PALLD: variants seen among roughly 807,000 people sequenced by gnomAD.
The protein encoded by PALLD is palladin.
In PALLD, 61 loss-of-function variants were observed where a neutral mutation model predicts 123.5. That is an observed-to-expected ratio of 0.49 (90% confidence interval 0.40 to 0.61). PALLD has a LOEUF of 0.61. Ranked by LOEUF, PALLD falls within the 20% of genes least tolerant of loss-of-function variation. The pLI, the probability that PALLD is intolerant of heterozygous loss-of-function variation, is 0.00. For missense variants in PALLD, 1,273 were observed against 1,377.0 expected (o/e 0.92, Z 1.20); for synonymous variants, 465 against 496.4 (o/e 0.94, Z 0.84).
At chr4:168,704,596 G>A (rs140623052) in intron 8 of PALLD, among the ~76,000 whole-genome samples, 3,894 of 150,334 alleles carry the variant, frequency 0.026, 180 homozygotes, top group African/African-American at 0.09. Context: ...CCCGGGAGGC[G>A]GAGCTTGCAG....
chr4:168,860,065 G>A (rs1219322642), intron 10 of PALLD, among the ~76,000 whole-genome samples: 1 of 152,224 alleles, frequency 6.6e-6, no homozygotes, highest in East Asian at 1.9e-4. Context: ...GGCTACCATA[G>A]TGGGACAGTG....
In PALLD at chr4:168,574,743, T is replaced by C. The variant is rs1769371997; in HGVS notation, c.908+62331T>C. On this transcript the variant is annotated intron_variant, in intron 2 of 21. Transcript: ENST00000505667. Reference sequence around the variant, plus strand: ...TACCAACTCTTTTGCCCTGAATGAGTTGGAAGTTGGCAGCACTTCAAAGTA... The same window carrying C: ...TACCAACTCTTTTGCCCTGAATGAGCTGGAAGTTGGCAGCACTTCAAAGTA... 3.9e-5 allele frequency among the ~76,000 whole-genome samples: 6 copies of C among 152,170 alleles called. No individual in the cohort carries two copies. In the South Asian group the frequency reaches 1.2e-3, roughly 32 times the overall value.
intron 10 of PALLD, among the ~76,000 whole-genome samples, chr4:168,714,078 CT>C (rs2150225160): frequency 6.7e-6 from 1 of 148,648 alleles, no homozygotes; most frequent in Admixed American, 6.8e-5. Flanking sequence ...TGTGATGATA[CT>C]TTTTAAATAT....
intron 2 of PALLD, among the ~76,000 whole-genome samples, chr4:168,558,980 C>T (rs1474851178): frequency 2.0e-5 from 3 of 152,174 alleles, no homozygotes; most frequent in Non-Finnish European, 4.4e-5. Flanking sequence ...GAGGTTATTA[C>T]AGGACTAGGT....
chr4:168,524,698 T>C, intron 2 of PALLD, among the ~76,000 whole-genome samples: 1 of 152,332 alleles, frequency 6.6e-6, no homozygotes, highest in South Asian at 2.1e-4. Context: ...CCACCACAGA[T>C]AGTGAGCAGT....
intron 10 of PALLD, among the ~76,000 whole-genome samples, chr4:168,751,023 T>A (rs1730994407): frequency 6.6e-6 from 1 of 151,838 alleles, no homozygotes; most frequent in Non-Finnish European, 1.5e-5. Context: ...TGTATTTTTT[T>A]TTTTTTGAGA....
chr4:168,612,296 C>T (rs1773810231), intron 2 of PALLD, among the ~76,000 whole-genome samples: 1 of 150,644 alleles, frequency 6.6e-6, no homozygotes, highest in African/African-American at 2.4e-5. Flanking sequence ...TTTCCAAAAT[C>T]ATCTCTTCAA....
chr4:168,780,374 A>G (rs1683736724), intron 10 of PALLD, among the ~76,000 whole-genome samples: 1 of 152,218 alleles, frequency 6.6e-6, no homozygotes, highest in Non-Finnish European at 1.5e-5. Flanking sequence ...TGACTAATGC[A>G]GCATTGCTCT....
chr4:168,577,996 A>T (rs1333325075), intron 2 of PALLD, among the ~76,000 whole-genome samples: 1 of 152,094 alleles, frequency 6.6e-6, no homozygotes, highest in Non-Finnish European at 1.5e-5. Flanking sequence ...AATGTTACAA[A>T]GACCCATACT....
chr4:168,499,994 A>C (rs1448696717), intron 1 of PALLD, among the ~76,000 whole-genome samples: 1 of 152,204 alleles, frequency 6.6e-6, no homozygotes, highest in East Asian at 1.9e-4. Context: ...AGAGAAGAAA[A>C]CTTTGCAGTT....
intron 14 of PALLD, among the ~76,000 whole-genome samples, chr4:168,902,068 C>A (rs1191172495): frequency 1.3e-5 from 2 of 152,112 alleles, no homozygotes; most frequent in African/African-American, 4.8e-5. Flanking sequence ...ATAATTCATC[C>A]ATTTATTTAG....
intron 14 of PALLD, among the ~76,000 whole-genome samples, chr4:168,899,676 C>T (rs1001663258): frequency 1.3e-5 from 2 of 151,910 alleles, no homozygotes; most frequent in African/African-American, 2.4e-5. Context: ...CAGCATTTTG[C>T]GAGGCCGAGA....
intron 2 of PALLD, among the ~76,000 whole-genome samples, chr4:168,561,928 T>A (rs1767908567): frequency 6.6e-6 from 1 of 152,218 alleles, no homozygotes; most frequent in Non-Finnish European, 1.5e-5. Context: ...GATATTTCCA[T>A]ATGATAATAA....
intron 10 of PALLD, among the ~76,000 whole-genome samples, chr4:168,731,933 G>T (rs1368611924): frequency 6.6e-6 from 1 of 152,190 alleles, no homozygotes; most frequent in Non-Finnish European, 1.5e-5. Context: ...ATGAAATCAT[G>T]CAGAAAACAC....
At chr4:168,654,555 A>G (rs1208046283) in intron 2 of PALLD, among the ~76,000 whole-genome samples, 1 of 152,238 alleles carries the variant, frequency 6.6e-6, no homozygotes, top group African/African-American at 2.4e-5. Context: ...TAAAAACAAA[A>G]TCTAGTCTAT....
intron 10 of PALLD, among the ~76,000 whole-genome samples, chr4:168,733,388 T>G (rs1447502332): frequency 6.6e-6 from 1 of 152,192 alleles, no homozygotes; most frequent in Non-Finnish European, 1.5e-5. Flanking sequence ...CTCTTCCTTT[T>G]AAGTAGACAA....
intron 8 of PALLD, among the ~76,000 whole-genome samples, chr4:168,704,158 G>C (rs1783989642): frequency 6.6e-6 from 1 of 151,614 alleles, no homozygotes; most frequent in Non-Finnish European, 1.5e-5. Context: ...AATAAATGGT[G>C]CTGGGAAAAC....
intron 2 of PALLD, among the ~76,000 whole-genome samples, chr4:168,610,621 G>C (rs1329335911): frequency 1.3e-5 from 2 of 152,200 alleles, no homozygotes; most frequent in African/African-American, 4.8e-5. Context: ...CAAAGGGGTA[G>C]AAATAAACTC....
At chr4:168,894,722 C>T (rs1560872899) in intron 12 of PALLD, 45 bp downstream of exon 12, 3 of 1,594,494 alleles carry the variant, frequency 1.9e-6, no homozygotes, top group African/African-American at 1.3e-5. Flanking sequence ...TTATTCTGTC[C>T]CCCTTTTCCA....
Sources: allele counts gnomAD v4.1 joint callset (sites outside exome capture counted in the v4.1 genomes callset), GRCh38; gene constraint gnomAD v4.1.1; transcripts MANE v1.5; gene names NCBI Gene and HGNC (gene_info 2026-07-23, HGNC 2026-07-21).